Variants in NRG3 observed in about 807,000 individuals in gnomAD.
NRG3 encodes the protein neuregulin 3, also known as pro-neuregulin-3, membrane-bound isoform.
In NRG3, 31 loss-of-function variants were observed where a neutral mutation model predicts 66.9. That is an observed-to-expected ratio of 0.46 (90% CI 0.35 to 0.63). The LOEUF is 0.63. Ranked by LOEUF, NRG3 falls within the 20% of genes least tolerant of loss-of-function variation. The pLI is 0.00. For missense variants in NRG3, 910 were observed against 878.9 expected (o/e 1.04, Z -0.45); for synonymous variants, 393 against 359.4 (o/e 1.09, Z -1.06).
At chr10:82,920,542 G>C (rs1333413436) in intron 4 of NRG3, among the ~76,000 whole-genome samples, 1 of 152,094 alleles carries the variant, frequency 6.6e-6, no homozygotes, top group Non-Finnish European at 1.5e-5. Flanking sequence ...GAGCCTAGAA[G>C]CAACGACACC....
chr10:82,230,880 A>C (rs767850761), intron 1 of NRG3, among the ~76,000 whole-genome samples: 21 of 152,210 alleles, frequency 1.4e-4, no homozygotes, highest in Non-Finnish European at 1.9e-4. Context: ...ATGGTGATTT[A>C]TTAAATAACA....
chr10:82,382,106 T>C (rs1219391706), intron 2 of NRG3, among the ~76,000 whole-genome samples: 1 of 152,092 alleles, frequency 6.6e-6, no homozygotes, highest in Non-Finnish European at 1.5e-5. Context: ...ATTTTCCTGT[T>C]TTATAATTGT....
At chr10:82,193,502 A>G (rs978397920) in intron 1 of NRG3, among the ~76,000 whole-genome samples, 1 of 152,220 alleles carries the variant, frequency 6.6e-6, no homozygotes, top group Non-Finnish European at 1.5e-5. Context: ...ATTGTAGAGG[A>G]ACAAGAAATG....
intron 2 of NRG3, among the ~76,000 whole-genome samples, chr10:82,397,678 T>C (rs968431023): frequency 5.9e-5 from 9 of 152,188 alleles, no homozygotes; most frequent in Non-Finnish European, 1.2e-4. Context: ...AAGGACACTT[T>C]GTAATGCAAA....
intron 1 of NRG3, among the ~76,000 whole-genome samples, chr10:81,916,575 A>G (rs7077089): frequency 0.019 from 2,870 of 152,274 alleles, 78 homozygotes; most frequent in African/African-American, 0.063. Context: ...TCCTAAAAGC[A>G]GGTGAAACTG....
rs151049198 is a variant in NRG3 at position 82,891,842 on chromosome 10, T to C, written c.1054+26405T>C. Among the ~76,000 whole-genome samples the C allele has an allele frequency of 4.6e-4, 70 of 152,214 alleles. No homozygotes were observed. The East Asian group carries it at 0.012, about 27-fold the overall frequency. On this transcript the variant is annotated intron_variant, in intron 4 of 8. Transcript: ENST00000372141. ...GTAGTCATAGCAGGTTTAATTTTCT[T>C]ATTCCCAATCTCAGAATGAAAGCTT...
Position 81,875,425 on chromosome 10 carries a change from G to T in NRG3, c.85G>T (p.Ala29Ser). 1 of 1,096,808 alleles carries T rather than the reference G, an allele frequency of 9.1e-7. No individual in the cohort carries two copies. Among genetic ancestry groups the T allele is most frequent in the East Asian group, 5.5e-5 (1 of 18,072 alleles). The allele number at this position is 1,096,808 out of a possible 1,614,324, so 67.9% of individuals were successfully genotyped here. ...ASAEEGTAAA[A>S]AAAAAGGGPD... is the part of the protein sequence containing the mutation. The stretch of plus-strand genomic sequence containing the variant: ...GGCCGAGGAGGGCACCGCGGCGGCT[G>T]CGGCGGCGGCAGCGGCGGGCGGGGG... The change falls in exon 1 of 9, where the codon GCG becomes TCG. Residue 29 changes from alanine (A) to serine (S), a missense_variant. By Grantham distance (99) the Ala-to-Ser change is moderately conservative. Transcript: ENST00000372141. This position sits in a 1 kb window ranked among gnomAD's most constrained non-coding sequence, Gnocchi z 5.3.
chr10:81,975,307 T>C (rs2060077185), intron 1 of NRG3, among the ~76,000 whole-genome samples: 1 of 151,162 alleles, frequency 6.6e-6, no homozygotes, highest in Admixed American at 6.6e-5. Flanking sequence ...CTCATACAAT[T>C]GTGTAACATC....
chr10:82,456,096 T>G (rs972523094), intron 2 of NRG3, among the ~76,000 whole-genome samples: 2 of 152,026 alleles, frequency 1.3e-5, no homozygotes, highest in East Asian at 3.9e-4. Context: ...TTTTATATCT[T>G]TATTCTTAAG....
chr10:82,349,636 G>T (rs1032533009), intron 1 of NRG3, among the ~76,000 whole-genome samples: 1 of 151,860 alleles, frequency 6.6e-6, no homozygotes, highest in Non-Finnish European at 1.5e-5. Flanking sequence ...AAGCAAGCCT[G>T]GGCAATGGCG....
At chr10:82,289,803 G>A (rs994681852) in intron 1 of NRG3, among the ~76,000 whole-genome samples, 12 of 152,092 alleles carry the variant, frequency 7.9e-5, no homozygotes, top group African/African-American at 2.7e-4. Context: ...ATATACATTT[G>A]CAAAATAGCA....
chr10:82,594,131 C>A (rs2047137230), intron 2 of NRG3, among the ~76,000 whole-genome samples: 1 of 152,026 alleles, frequency 6.6e-6, no homozygotes, highest in Non-Finnish European at 1.5e-5. Flanking sequence ...CTAAGAAACT[C>A]AGAGTGATGG....
chr10:82,168,967 AT>A (rs2072332526), intron 1 of NRG3, among the ~76,000 whole-genome samples: 1 of 151,942 alleles, frequency 6.6e-6, no homozygotes, highest in Non-Finnish European at 1.5e-5. Context: ...TGTTTTGTTG[AT>A]TCTTATACCC....
intron 1 of NRG3, among the ~76,000 whole-genome samples, chr10:82,327,580 C>G (rs1408828944): frequency 6.6e-6 from 1 of 152,180 alleles, no homozygotes; most frequent in East Asian, 1.9e-4. Flanking sequence ...TAGGGACCCT[C>G]ATATCCCCCA....
intron 1 of NRG3, among the ~76,000 whole-genome samples, chr10:82,183,209 A>C (rs1212759964): frequency 2.0e-5 from 3 of 151,850 alleles, no homozygotes; most frequent in Non-Finnish European, 4.4e-5. Flanking sequence ...TTTTAAATAA[A>C]CTTTTTTTTC....
chr10:82,108,603 CAAG>C lies in NRG3; in HGVS notation c.823+232441_823+232443del, dbSNP rs1336615009. 1.5e-4 allele frequency among the ~76,000 whole-genome samples: 23 copies of C among 152,136 alleles called. 1 individual carries two copies. The highest frequency in any genetic ancestry group is 1.5e-3 in the Admixed American group (23 of 15,268). ...ACCATGCTCAGTATTGTGAGACAAA[CAAG>C]GAGGATTTAGGCTACTAATGTCAAT... On this transcript the variant is annotated intron_variant, in intron 1 of 8. Transcript: ENST00000372141.
chr10:82,058,819 T>C (rs2063979029), intron 1 of NRG3, among the ~76,000 whole-genome samples: 1 of 152,098 alleles, frequency 6.6e-6, no homozygotes, highest in Non-Finnish European at 1.5e-5. Context: ...AGGCAGTTCT[T>C]ATTTAGGGTG....
chr10:82,959,152 T>C (rs966439960), intron 6 of NRG3, 77 bp downstream of exon 6: 4 of 1,444,254 alleles, frequency 2.8e-6, no homozygotes, highest in Non-Finnish European at 3.7e-6. Flanking sequence ...GAGCCTGGGA[T>C]CAGACTTGTA....
At position 82,972,197 on chromosome 10, in the gene NRG3, CTTATA is replaced by C. The variant is rs570219003; in HGVS notation, c.1285-1588_1285-1584del. 7.9e-5 allele frequency among the ~76,000 whole-genome samples: 12 copies of C among 152,158 alleles called. No individual in the cohort carries two copies. The South Asian group carries it at 2.5e-3, about 32-fold the overall frequency. On this transcript the variant is annotated intron_variant, in intron 6 of 8. Transcript: ENST00000372141. ...TTCATGTATTGTATATTACACAATT[CTTATA>C]TTCTAGTGCTGTCTAATTTCTAATA...
Sources: allele counts gnomAD v4.1 joint callset (sites outside exome capture counted in the v4.1 genomes callset), GRCh38; gene constraint gnomAD v4.1.1; non-coding constraint Gnocchi (gnomAD v3.1); transcripts MANE v1.5; gene names NCBI Gene and HGNC (gene_info 2026-07-23, HGNC 2026-07-21).